Variants in WEE1 observed in about 807,000 individuals in gnomAD.
The protein encoded by WEE1 is wee1-like protein kinase.
WEE1 carries 16 observed loss-of-function variants against 68.8 expected under a neutral mutation model. The observed-to-expected ratio is 0.23, with a 90% confidence interval of 0.16 to 0.35. WEE1 has a LOEUF of 0.35. WEE1 is among the 10% of genes least tolerant of loss of function. The probability of loss-of-function intolerance (pLI) is 1.00; values close to 1 mark genes in which losing one functional copy is unlikely to be tolerated. For missense variants in WEE1, 651 were observed against 824.1 expected (o/e 0.79, Z 2.57); for synonymous variants, 349 against 318.7 (o/e 1.09, Z -1.01).
chr11:9,577,175 A>G lies in WEE1; in HGVS notation c.1053A>G (p.Ala351=), dbSNP rs1430976418. ...CTTTGAGAGAAGTATATGCTCATGCAGTGCTTGGACAGCATTCTCATGTAG... is the reference window on the plus strand; with the variant it reads ...CTTTGAGAGAAGTATATGCTCATGCGGTGCTTGGACAGCATTCTCATGTAG... ...QNALREVYAH[A]VLGQHSHVVR... is the part of the protein sequence containing the mutation. Residue 351 remains alanine, a synonymous_variant, in exon 5 of 11, where the codon GCA becomes GCG. Coordinates refer to ENST00000450114, the MANE Select transcript of WEE1 (RefSeq NM_003390.4). 2 of 1,613,708 alleles carry G rather than the reference A, an allele frequency of 1.2e-6. No homozygotes were observed. The highest frequency in any genetic ancestry group is 1.7e-6 in the Non-Finnish European group (2 of 1,179,812).
chr11:9,583,991 G>A (rs569782808), intron 6 of WEE1, among the ~76,000 whole-genome samples: 32 of 150,082 alleles, frequency 2.1e-4, no homozygotes, highest in African/African-American at 3.2e-4. Context: ...TATTACAGGC[G>A]TGCACCACCA....
rs1026295564 is a variant in WEE1, at chr11:9,576,920, A to C, written c.1020-222A>C. ...GTAAAATGGAGTTTATTCTTACCTG[A>C]GTCCTAGGGCAAGCAACATTTCTTC... is the stretch of plus-strand genomic sequence containing the variant. On this transcript the variant is annotated intron_variant, in intron 4 of 10. Coordinates refer to ENST00000450114, the MANE Select transcript of WEE1 (RefSeq NM_003390.4). The surrounding 1 kb of genome is among the most constrained non-coding windows in gnomAD (Gnocchi z 4.3). 3.3e-5 allele frequency among the ~76,000 whole-genome samples: 5 copies of C among 152,222 alleles called. No homozygotes were observed. The highest frequency in any genetic ancestry group is 1.2e-4 in the African/African-American group (5 of 41,454).
rs1478529829 is a variant in WEE1 at position 9,585,233 on chromosome 11, G to A, written c.1289-25G>A. 2.0e-6 allele frequency: 3 copies of A among 1,518,846 alleles called. 1 individual carries two copies. Among genetic ancestry groups the A allele is most frequent in the Admixed American group, 3.4e-5 (2 of 58,960 alleles). 94.1% of individuals were successfully genotyped at this position (1,518,846 alleles called of 1,614,324 possible). A position where few individuals can be genotyped will look rare whatever the true frequency, so the allele number is the denominator to read the frequency against. On this transcript the variant is annotated intron_variant, in intron 6 of 10. Transcript: ENST00000450114. Reference sequence around the variant, plus strand: ...CTCTGGTTTTATTATTATTAGTTTGGCTTACATAATTAACTGTTTGACAGG... The same window carrying A: ...CTCTGGTTTTATTATTATTAGTTTGACTTACATAATTAACTGTTTGACAGG...
chr11:9,578,199 G>A (rs1449518439), intron 5 of WEE1: 4 of 237,680 alleles, frequency 1.7e-5, no homozygotes, highest in East Asian at 1.3e-4. Flanking sequence ...TTAGAGTTTA[G>A]TGAACACTTG....
At chr11:9,575,282 C>G in intron 1 of WEE1, 3 of 986,588 alleles carry the variant, frequency 3.0e-6, no homozygotes, top group Non-Finnish European at 3.6e-6. Context: ...CGCAGATGAC[C>G]ACTTTTAAAA....
intron 7 of WEE1, 32 bp from the exon 8 acceptor site, chr11:9,585,410 G>A (rs751660078): frequency 3.7e-6 from 6 of 1,607,454 alleles, no homozygotes; most frequent in Non-Finnish European, 5.1e-6. Context: ...TTTTGTTTTT[G>A]CTCTTCACTG....
At position 9,588,703 on chromosome 11, in the gene WEE1, A is replaced by G. The variant is rs1422934845; in HGVS notation, c.*101A>G. On this transcript the variant is annotated 3_prime_UTR_variant, in exon 11 of 11. Coordinates refer to ENST00000450114, the MANE Select transcript of WEE1 (RefSeq NM_003390.4). ...TGCAATTACTTTCTCGATTGGTGTC[A>G]GTAGTTTTACTGATTAGGACTTTTA... The G allele has an allele frequency of 3.6e-6, 5 of 1,397,980 alleles. No individual in the cohort carries two copies. The highest frequency in any genetic ancestry group is 4.6e-6 in the Non-Finnish European group (5 of 1,076,532). The allele number at this position is 1,397,980 out of a possible 1,614,324, so 86.6% of individuals were successfully genotyped here.
At position 9,589,961 on chromosome 11, in the gene WEE1, G is replaced by A. The variant is rs1849745192; in HGVS notation, c.*1359G>A. The A allele has an allele frequency of 6.5e-6, 1 of 153,964 alleles. No homozygotes were observed. The highest frequency in any genetic ancestry group is 1.9e-4 in the East Asian group (1 of 5,202). The allele number at this position is 153,964 out of a possible 1,614,324, so 9.5% of individuals were successfully genotyped here. On this transcript the variant is annotated 3_prime_UTR_variant, in exon 11 of 11. Transcript: ENST00000450114. ...TTAAAATATCTTCAAATTATTAAGT[G>A]AATATAATATGATTCATAACTTTCT...
chr11:9,588,953 G>C lies in WEE1; in HGVS notation c.*351G>C, dbSNP rs1240571270. Reference sequence around the variant, plus strand: ...AAAAGTACTCAAGGGCTTTATTACAGACATACCCTCCCTTTGAAAAGGGAC... The same window carrying C: ...AAAAGTACTCAAGGGCTTTATTACACACATACCCTCCCTTTGAAAAGGGAC... On this transcript the variant is annotated 3_prime_UTR_variant, in exon 11 of 11. Coordinates refer to ENST00000450114, the MANE Select transcript of WEE1 (RefSeq NM_003390.4). The C allele has an allele frequency of 1.0e-6, 1 of 989,340 alleles. No individual in the cohort carries two copies. Among genetic ancestry groups the C allele is most frequent in the Non-Finnish European group, 1.2e-6 (1 of 832,328 alleles). 61.3% of individuals were successfully genotyped at this position (989,340 alleles called of 1,614,324 possible).
chr11:9,575,374 A>G (rs761842487), intron 1 of WEE1: 3 of 991,812 alleles, frequency 3.0e-6, no homozygotes, highest in Admixed American at 5.7e-5. Context: ...GCACCTTTTA[A>G]AGTGAGTTTG....
chr11:9,584,642 C>T (rs1849680330), intron 6 of WEE1, among the ~76,000 whole-genome samples: 1 of 152,238 alleles, frequency 6.6e-6, no homozygotes. Flanking sequence ...TCACACCAGC[C>T]TTATAGCGCT....
Position 9,589,274 on chromosome 11 carries a change from C to CT in WEE1, c.*685dup, listed in dbSNP as rs77937016. The CT allele has an allele frequency of 0.049, 36,752 of 750,138 alleles. No homozygotes were observed. Among genetic ancestry groups the CT allele is most frequent in the Middle Eastern group, 0.078 (108 of 1,386 alleles). The allele number at this position is 750,138 out of a possible 1,614,324, so 46.5% of individuals were successfully genotyped here. ...CTTTTGATGAAAAGCAGCTATTTGC[C>CT]TTTTTTTTTTTTTCCTTTGAACTTT... On this transcript the variant is annotated 3_prime_UTR_variant, in exon 11 of 11. Transcript: ENST00000450114.
chr11:9,589,575 T>G lies in WEE1; in HGVS notation c.*973T>G, dbSNP rs1849739871. ...AGAATGACTTCTGACATTCCAAGTTTTTCACAAAATATATTTTATCTGTGA... is the reference window on the plus strand; with the variant it reads ...AGAATGACTTCTGACATTCCAAGTTGTTCACAAAATATATTTTATCTGTGA... On this transcript the variant is annotated 3_prime_UTR_variant, in exon 11 of 11. Coordinates refer to ENST00000450114, the MANE Select transcript of WEE1 (RefSeq NM_003390.4). 1 of 985,816 alleles carries G rather than the reference T, an allele frequency of 1.0e-6. No homozygotes were observed. The highest frequency in any genetic ancestry group is 1.2e-6 in the Non-Finnish European group (1 of 829,922). The allele number at this position is 985,816 out of a possible 1,614,324, so 61.1% of individuals were successfully genotyped here.
At chr11:9,579,700 G>A (rs990781424) in intron 5 of WEE1, 2 of 151,796 alleles carry the variant, frequency 1.3e-5, no homozygotes, top group African/African-American at 2.4e-5. Context: ...CTAGGACTTA[G>A]CCTATCTTGT....
chr11:9,584,440 C>T (rs1199279301), intron 6 of WEE1, among the ~76,000 whole-genome samples: 1 of 152,222 alleles, frequency 6.6e-6, no homozygotes, highest in Non-Finnish European at 1.5e-5. Flanking sequence ...GCCACCATAC[C>T]TGGCCAATAC....
At chr11:9,587,832 G>A (rs896641349) in intron 10 of WEE1, among the ~76,000 whole-genome samples, 6 of 152,022 alleles carry the variant, frequency 3.9e-5, no homozygotes, top group Non-Finnish European at 7.4e-5. Context: ...TATAAGAATT[G>A]TATATTAAGA....
Position 9,586,794 on chromosome 11 carries a change from G to T in WEE1, c.1725G>T (p.Lys575Asn), listed in dbSNP as rs753321465. The change falls in exon 10 of 11, where the codon AAG becomes AAT. Residue 575 changes from lysine to asparagine, a missense_variant. Coordinates refer to ENST00000450114, the MANE Select transcript of WEE1 (RefSeq NM_003390.4). ...CAGTATTGCTGTCCGCTTCTAGAAA[G>T]AGTGCAGAACAATTACGAATAGAAT... is the stretch of plus-strand genomic sequence containing the variant. ...KHSVLLSASR[K>N]SAEQLRIELN... 6.2e-7 allele frequency: 1 copy of T among 1,613,920 alleles called. No homozygotes were observed. The highest frequency in any genetic ancestry group is 1.3e-5 in the African/African-American group (1 of 74,936).
Position 9,576,532 on chromosome 11 carries a change from G to A in WEE1, c.892G>A (p.Glu298Lys). 1 of 1,613,892 alleles carries A rather than the reference G, an allele frequency of 6.2e-7. No homozygotes were observed. The highest frequency in any genetic ancestry group is 8.5e-7 in the Non-Finnish European group (1 of 1,179,920). ...ESNMKSRYTT[E>K]FHELEKIGSG... ...CAATATGAAGTCCCGGTATACAACA[G>A]AATTTCATGAGCTAGAGAAAATCGG... The change falls in exon 4 of 11, where the codon GAA becomes AAA. Residue 298 changes from glutamate (E) to lysine (K), a missense_variant. Glu to Lys is a moderately conservative substitution (Grantham distance 56). This residue lies in a region of WEE1 where 41 missense variants were observed against 125.6 expected (regional missense o/e 0.33). Coordinates refer to ENST00000450114, the MANE Select transcript of WEE1 (RefSeq NM_003390.4). This position sits in a 1 kb window ranked among gnomAD's most constrained non-coding sequence, Gnocchi z 4.3.
rs1462608280 is a variant in WEE1 at position 9,574,274 on chromosome 11, GGGA to G, written c.350_352del (p.Glu117del). The G allele has an allele frequency of 1.6e-6, 2 of 1,234,548 alleles. No individual in the cohort carries two copies. The highest frequency in any genetic ancestry group is 4.1e-5 in the Admixed American group (1 of 24,144). The allele number at this position is 1,234,548 out of a possible 1,614,324, so 76.5% of individuals were successfully genotyped here. A position where few individuals can be genotyped will look rare whatever the true frequency, so the allele number is the denominator to read the frequency against. On this transcript the variant is annotated inframe_deletion, in exon 1 of 11. Coordinates refer to ENST00000450114, the MANE Select transcript of WEE1 (RefSeq NM_003390.4). The surrounding 1 kb of genome is among the most constrained non-coding windows in gnomAD (Gnocchi z 4.9). ...GGCGGTGGGGCGGAGGGCGACTCGT[GGGA>G]GGAGGAGGGCTTCGGCTCCTCGTCG...
Sources: allele counts gnomAD v4.1 joint callset (sites outside exome capture counted in the v4.1 genomes callset), GRCh38; gene constraint gnomAD v4.1.1; regional missense constraint gnomAD v4.1.1; non-coding constraint Gnocchi (gnomAD v3.1); transcripts MANE v1.5; gene names NCBI Gene and HGNC (gene_info 2026-07-23, HGNC 2026-07-21).